The following MYO9A variants were observed in gnomAD, a reference collection of about 807,000 sequenced individuals.
MYO9A encodes myosin IXA, also known as unconventional myosin-IXa.
In MYO9A, 103 loss-of-function variants were observed where a neutral mutation model predicts 293.3. The ratio of observed to expected loss-of-function variants is 0.35; its 90% CI spans 0.30 to 0.41. MYO9A has a LOEUF of 0.41. Among genes scored for constraint, MYO9A ranks in the 10% least tolerant of loss-of-function variants. MYO9A has a pLI of 1.00. For missense variants in MYO9A, 2,685 were observed against 3,033.0 expected (o/e 0.89, Z 2.69); for synonymous variants, 1,001 against 1,035.7 (o/e 0.97, Z 0.64).
rs1176218124 is a variant in MYO9A, at chr15:71,825,480, GT to G, written c.*1099del. 10 of 152,168 alleles carry G rather than the reference GT, an allele frequency of 6.6e-5. No homozygotes were observed. Among genetic ancestry groups the G allele is most frequent in the Non-Finnish European group, 1.3e-4 (9 of 68,040 alleles). The allele number at this position is 152,168 out of a possible 1,614,324, so 9.4% of individuals were successfully genotyped here. On this transcript the variant is annotated 3_prime_UTR_variant, in exon 42 of 42. Transcript: ENST00000356056. ...TCTGAGAAAAGGAAGATAAAAGTTA[GT>G]TAGTTAGATAGGTCATATTAAAAAC...
At chr15:71,916,174 A>G (rs530468668) in intron 19 of MYO9A, among the ~76,000 whole-genome samples, 196 bp downstream of exon 19, 1 of 152,116 alleles carries the variant, frequency 6.6e-6, no homozygotes, top group Admixed American at 6.5e-5. Flanking sequence ...ATCCAGACAT[A>G]TGTGGATGAA....
At chr15:72,080,532 A>C (rs896973269) in intron 1 of MYO9A, among the ~76,000 whole-genome samples, 4 of 152,090 alleles carry the variant, frequency 2.6e-5, no homozygotes, top group African/African-American at 9.7e-5. Context: ...CAGTCACCCC[A>C]AAAATGCAAA....
chr15:72,014,278 T>C (rs2077257975), intron 6 of MYO9A, among the ~76,000 whole-genome samples: 1 of 152,218 alleles, frequency 6.6e-6, no homozygotes, highest in African/African-American at 2.4e-5. Flanking sequence ...CCTTTTTTCT[T>C]AAGTGATCTC....
intron 1 of MYO9A, among the ~76,000 whole-genome samples, chr15:72,046,884 A>G (rs1019271419): frequency 6.6e-6 from 1 of 152,208 alleles, no homozygotes; most frequent in Admixed American, 6.5e-5. Context: ...ACAAAAATCC[A>G]AAGAGTACAA....
chr15:72,103,903 G>A (rs538502024), intron 1 of MYO9A, among the ~76,000 whole-genome samples: 71 of 152,282 alleles, frequency 4.7e-4, no homozygotes, highest in African/African-American at 1.7e-3. Flanking sequence ...TTGGAGGGAA[G>A]CACTTCTGGC....
rs188642344 is a variant in MYO9A at position 72,109,618 on chromosome 15, G to C, written c.-72+8062C>G. ...AAGACAAAAATATTAGTCGGGTGCAGTGGTTCACGCCTGTAATCACAGCAT... is the reference window on the plus strand; with the variant it reads ...AAGACAAAAATATTAGTCGGGTGCACTGGTTCACGCCTGTAATCACAGCAT... On this transcript the variant is annotated intron_variant, in intron 1 of 41. Transcript: ENST00000356056. Among the ~76,000 whole-genome samples, 599 of 152,302 alleles carry C rather than the reference G, an allele frequency of 3.9e-3. 4 individuals are homozygous for C. The highest frequency in any genetic ancestry group is 0.014 in the African/African-American group (564 of 41,568).
intron 1 of MYO9A, among the ~76,000 whole-genome samples, chr15:72,053,510 C>A (rs1343120536): frequency 6.6e-6 from 1 of 152,162 alleles, no homozygotes; most frequent in Non-Finnish European, 1.5e-5. Context: ...TCCTTTATAG[C>A]AATATGGATG....
chr15:71,868,990 T>C (rs890387501), intron 32 of MYO9A, among the ~76,000 whole-genome samples: 7 of 152,156 alleles, frequency 4.6e-5, no homozygotes, highest in African/African-American at 1.2e-4. Flanking sequence ...GCACTTCCTT[T>C]GAGCTAAATA....
intron 39 of MYO9A, among the ~76,000 whole-genome samples, chr15:71,833,092 A>G (rs2140716655): frequency 6.6e-6 from 1 of 152,174 alleles, no homozygotes; most frequent in East Asian, 1.9e-4. Context: ...AACATATATC[A>G]GGCAGGACAA....
At chr15:71,989,857 C>T (rs1416428086) in intron 11 of MYO9A, among the ~76,000 whole-genome samples, 1 of 151,996 alleles carries the variant, frequency 6.6e-6, no homozygotes, top group Non-Finnish European at 1.5e-5. Context: ...GACACCTTGT[C>T]TCTACAAAAA....
At chr15:72,090,012 CTAAG>C (rs1283007569) in intron 1 of MYO9A, among the ~76,000 whole-genome samples, 1 of 152,078 alleles carries the variant, frequency 6.6e-6, no homozygotes, top group East Asian at 1.9e-4. Flanking sequence ...CTTATTAAGA[CTAAG>C]TATACAGGAA....
At chr15:72,019,565 C>T (rs1184965910) in intron 5 of MYO9A, among the ~76,000 whole-genome samples, 2 of 152,012 alleles carry the variant, frequency 1.3e-5, no homozygotes, top group Non-Finnish European at 2.9e-5. Flanking sequence ...TTTTGAAAAG[C>T]TATTTAATTC....
At chr15:72,033,962 C>G in intron 2 of MYO9A, among the ~76,000 whole-genome samples, 1 of 152,216 alleles carries the variant, frequency 6.6e-6, no homozygotes, top group East Asian at 1.9e-4. Context: ...GGCATGCCCT[C>G]TAACTCCAAA....
rs763299604 is a variant in MYO9A, at chr15:71,916,390, T to C, written c.2665A>G (p.Ser889Gly). 3.3e-5 allele frequency: 53 copies of C among 1,613,152 alleles called. No individual in the cohort carries two copies. Among genetic ancestry groups the C allele is most frequent in the Non-Finnish European group, 4.3e-5 (51 of 1,179,784 alleles). ...ATAACCTGAAACTGGGCACTGATGC[T>C]GGGAGGTTTTTTCTTCTTGTGTAAA... ...LHLHKKKKPP[S>G]ISAQFQASLS... is the part of the protein sequence containing the mutation. Residue 889 changes from serine (S) to glycine (G), a missense_variant, in exon 19 of 42, where the codon AGC (serine) becomes GGC (glycine). Ser to Gly is a moderately conservative substitution (Grantham distance 56). Around this residue, in one of 10 missense-constraint regions of MYO9A, gnomAD observed 1,434 missense variants for 1,497.7 expected, o/e 0.96. Transcript: ENST00000356056.
Position 71,935,930 on chromosome 15 carries a change from A to ACACT in MYO9A, c.2379-447_2379-446insAGTG, listed in dbSNP as rs1356073936. On this transcript the variant is annotated intron_variant, in intron 16 of 41. Coordinates refer to ENST00000356056, the MANE Select transcript of MYO9A (RefSeq NM_006901.4). ...CACACACACACACACACACACACAC[A>ACACT]CTCACTACTCACACACCCATTAAAC... Among the ~76,000 whole-genome samples, 55 of 150,146 alleles carry ACACT rather than the reference A, an allele frequency of 3.7e-4. No individual in the cohort carries two copies. In the South Asian group the frequency reaches 0.011, roughly 29 times the overall value.
intron 1 of MYO9A, among the ~76,000 whole-genome samples, chr15:72,079,212 G>C (rs1478150878): frequency 6.6e-6 from 1 of 152,108 alleles, no homozygotes; most frequent in Non-Finnish European, 1.5e-5. Flanking sequence ...GGGGGCAGGA[G>C]GAGGAGCAAG....
chr15:72,046,703 A>T lies in MYO9A; in HGVS notation c.-71-69T>A, dbSNP rs1046377046. 6.7e-6 allele frequency: 7 copies of T among 1,044,506 alleles called. No homozygotes were observed. The Admixed American group carries it at 1.3e-4, about 19-fold the overall frequency. 64.7% of individuals were successfully genotyped at this position (1,044,506 alleles called of 1,614,324 possible). ...TGCTTTCTGATGCTCAAGAAAGAAA[A>T]GCTTAACAAGCATGTTGATTACATC... On this transcript the variant is annotated intron_variant, in intron 1 of 41. Coordinates refer to ENST00000356056, the MANE Select transcript of MYO9A (RefSeq NM_006901.4).
intron 4 of MYO9A, among the ~76,000 whole-genome samples, chr15:72,025,267 TATA>T (rs1379114443): frequency 1.3e-5 from 2 of 152,188 alleles, no homozygotes; most frequent in Non-Finnish European, 2.9e-5. Context: ...AAGGCCATCT[TATA>T]ATGACAAAAG....
rs1452709334 is a variant in MYO9A at position 72,037,027 on chromosome 15, C to G, written c.841-4439G>C. 9.4e-5 allele frequency among the ~76,000 whole-genome samples: 14 copies of G among 148,570 alleles called. No homozygotes were observed. The Admixed American group carries it at 9.5e-4, about 10-fold the overall frequency. Reference sequence around the variant, plus strand: ...GGATTATAAGCATGAGCCACAGTGCCTGCCCCTCATCCTACTTTTTTTTTT... The same window carrying G: ...GGATTATAAGCATGAGCCACAGTGCGTGCCCCTCATCCTACTTTTTTTTTT... On this transcript the variant is annotated intron_variant, in intron 2 of 41. Coordinates refer to ENST00000356056, the MANE Select transcript of MYO9A (RefSeq NM_006901.4).
Sources: gnomAD v4.1 joint callset for allele counts (sites outside exome capture counted in the v4.1 genomes callset) on GRCh38, gnomAD v4.1.1 for gene constraint, gnomAD v4.1.1 regional missense constraint, MANE v1.5 for transcripts, NCBI Gene and HGNC (gene_info 2026-07-23, HGNC 2026-07-21) for gene names.